PDE1A: variants seen among roughly 807,000 people sequenced by gnomAD.
The protein encoded by PDE1A is phosphodiesterase 1A, also known as dual specificity calcium/calmodulin-dependent 3',5'-cyclic nucleotide phosphodiesterase 1A.
In PDE1A, 35 loss-of-function variants were observed where a neutral mutation model predicts 61.7. The ratio of observed to expected loss-of-function variants is 0.57; its 90% CI spans 0.43 to 0.75. The LOEUF is 0.75. Among genes scored for constraint, PDE1A ranks in the 30% least tolerant of loss-of-function variants. PDE1A has a pLI of 0.00. For missense variants in PDE1A, 597 were observed against 630.6 expected (o/e 0.95, Z 0.57); for synonymous variants, 232 against 213.2 (o/e 1.09, Z -0.77).
the PDE1A span, among the ~76,000 whole-genome samples, chr2:182,560,345 A>G: frequency 6.6e-6 from 1 of 151,498 alleles, no homozygotes; most frequent in Non-Finnish European, 1.5e-5. Flanking sequence ...TAGTTTACTG[A>G]GAATGATGAT....
At chr2:182,276,967 C>T (rs1413123866) in intron 1 of PDE1A, among the ~76,000 whole-genome samples, 2 of 151,988 alleles carry the variant, frequency 1.3e-5, no homozygotes, top group Non-Finnish European at 2.9e-5. Flanking sequence ...GAAGTCAGAC[C>T]AGTTCTCTGC....
chr2:182,449,466 C>A (rs1396427733), intron 2 of PDE1A, among the ~76,000 whole-genome samples: 1 of 151,846 alleles, frequency 6.6e-6, no homozygotes, highest in East Asian at 1.9e-4. Flanking sequence ...ATAAGAATAA[C>A]CTCCCTCACC....
intron 1 of PDE1A, among the ~76,000 whole-genome samples, chr2:182,336,631 T>C (rs1256287314): frequency 6.6e-6 from 1 of 151,692 alleles, no homozygotes; most frequent in African/African-American, 2.4e-5. Flanking sequence ...GGTAGGGGGC[T>C]AGGGGAGGGA....
chr2:182,311,705 A>G (rs984017795), intron 1 of PDE1A, among the ~76,000 whole-genome samples: 1 of 152,080 alleles, frequency 6.6e-6, no homozygotes, highest in Non-Finnish European at 1.5e-5. Flanking sequence ...GATGAGCCAC[A>G]ATTTGTTTAT....
chr2:182,667,171 T>C, the PDE1A span, among the ~76,000 whole-genome samples: 4 of 152,328 alleles, frequency 2.6e-5, no homozygotes, highest in South Asian at 2.1e-4. Context: ...GTTTCTGTTT[T>C]ATAAATTAAG....
chr2:182,148,666 T>C (rs1690620538), intron 13 of PDE1A, among the ~76,000 whole-genome samples: 1 of 152,154 alleles, frequency 6.6e-6, no homozygotes, highest in African/African-American at 2.4e-5. Context: ...CTTGAGGCAT[T>C]TGTTTCCATG....
chr2:182,242,924 C>G (rs75091122), intron 2 of PDE1A, among the ~76,000 whole-genome samples: 1,037 of 39,346 alleles, frequency 0.026, 15 homozygotes, highest in African/African-American at 0.076. Context: ...CTCTCTCTCT[C>G]TCGTGTGTGT....
In PDE1A at chr2:182,250,641, T is replaced by G. The variant is rs576441781; in HGVS notation, c.168-10349A>C. ...CCTCTCCTCGACCCAACTTTTTTTT[T>G]TAACTGTGAGAAGATGACCATTGTA... On this transcript the variant is annotated intron_variant, in intron 2 of 13. Coordinates refer to ENST00000351439, the Ensembl canonical transcript of PDE1A. 2.0e-5 allele frequency among the ~76,000 whole-genome samples: 3 copies of G among 152,304 alleles called. No homozygotes were observed. The East Asian group carries it at 5.8e-4, about 29-fold the overall frequency.
chr2:182,371,785 T>C (rs534662288), intron 1 of PDE1A, among the ~76,000 whole-genome samples: 1 of 152,004 alleles, frequency 6.6e-6, no homozygotes, highest in South Asian at 2.1e-4. Flanking sequence ...GAATTAACAT[T>C]TATTTATTTA....
chr2:182,560,747 A>T, the PDE1A span, among the ~76,000 whole-genome samples: 2 of 151,818 alleles, frequency 1.3e-5, no homozygotes, highest in Non-Finnish European at 1.5e-5. Context: ...CTTTTTAATG[A>T]TTGCCATTCT....
chr2:182,448,025 T>C (rs1217186641), intron 2 of PDE1A, among the ~76,000 whole-genome samples: 1 of 152,098 alleles, frequency 6.6e-6, no homozygotes, highest in Non-Finnish European at 1.5e-5. Context: ...TTCACAACCC[T>C]GGCGTTACTG....
intron 2 of PDE1A, among the ~76,000 whole-genome samples, chr2:182,496,277 G>A (rs562575308): frequency 7.6e-6 from 1 of 131,202 alleles, no homozygotes; most frequent in Non-Finnish European, 1.7e-5. Context: ...TACTACCAAA[G>A]ACTGCTAGGA....
the PDE1A span, among the ~76,000 whole-genome samples, chr2:182,688,769 G>A: frequency 6.6e-6 from 1 of 152,202 alleles, no homozygotes; most frequent in African/African-American, 2.4e-5. Flanking sequence ...TCAGTCTGCT[G>A]TATTCAGGAA....
At chr2:182,205,874 C>T (rs763716130) in intron 8 of PDE1A, 66 bp downstream of exon 8, 66 of 1,429,864 alleles carry the variant, frequency 4.6e-5, no homozygotes, top group Non-Finnish European at 5.9e-5. Context: ...TTTTTCTTGA[C>T]TTTAAATCGC....
the PDE1A span, among the ~76,000 whole-genome samples, chr2:182,652,080 C>G: frequency 6.6e-6 from 1 of 152,072 alleles, no homozygotes; most frequent in Non-Finnish European, 1.5e-5. Context: ...AATAGCAATG[C>G]ATATAAGGTA....
At chr2:182,511,169 T>C (rs1192891179) in intron 2 of PDE1A, among the ~76,000 whole-genome samples, 1 of 151,792 alleles carries the variant, frequency 6.6e-6, no homozygotes, top group Non-Finnish European at 1.5e-5. Context: ...ATTGAGGAAT[T>C]GAAAAATCAA....
chr2:182,619,030 CAA>C, the PDE1A span, among the ~76,000 whole-genome samples: 7 of 103,242 alleles, frequency 6.8e-5, no homozygotes, highest in African/African-American at 3.6e-5. Flanking sequence ...GACTCCTCTG[CAA>C]AAAAAAAAAA....
At chr2:182,500,111 A>T (rs774925232) in intron 2 of PDE1A, among the ~76,000 whole-genome samples, 13 of 152,258 alleles carry the variant, frequency 8.5e-5, no homozygotes, top group Non-Finnish European at 1.6e-4. Context: ...CTCAGAAAGA[A>T]TTAGTGATAG....
At chr2:182,194,065 C>T (rs966432135) in intron 10 of PDE1A, among the ~76,000 whole-genome samples, 15 of 152,106 alleles carry the variant, frequency 9.9e-5, no homozygotes, top group African/African-American at 3.6e-4. Context: ...AACATTTTGA[C>T]CTTTCCTTCC....
Sources: gnomAD v4.1 joint callset for allele counts (sites outside exome capture counted in the v4.1 genomes callset) on GRCh38, gnomAD v4.1.1 for gene constraint, MANE v1.5 for transcripts, NCBI Gene and HGNC (gene_info 2026-07-23, HGNC 2026-07-21) for gene names.